The following POTEC variants were observed in gnomAD, a reference collection of about 807,000 sequenced individuals.
The protein encoded by POTEC is ANKRD26-like family B member 2.
Under a neutral mutation model 62.0 loss-of-function variants are expected in POTEC, and 35 were observed. That is an observed-to-expected ratio of 0.56 (90% CI 0.43 to 0.75). The LOEUF is 0.75. POTEC is among the 30% of genes least tolerant of loss of function. POTEC has a pLI of 0.00. For synonymous variants in POTEC, 156 were observed against 221.5 expected (o/e 0.70, Z 2.62); for missense variants, 472 against 655.9 (o/e 0.72, Z 3.06).
intron 1 of POTEC, among the ~76,000 whole-genome samples, chr18:14,541,093 G>A (rs928280039): frequency 2.0e-5 from 3 of 152,172 alleles, no homozygotes; most frequent in South Asian, 2.1e-4. Flanking sequence ...GTTTCACCAC[G>A]CTGGCCAAGC....
At chr18:14,519,390 C>T (rs983330091) in intron 9 of POTEC, among the ~76,000 whole-genome samples, 3 of 152,096 alleles carry the variant, frequency 2.0e-5, no homozygotes, top group Non-Finnish European at 4.4e-5. Flanking sequence ...TGGAGACATA[C>T]ATTTGGAAAT....
intron 6 of POTEC, among the ~76,000 whole-genome samples, chr18:14,526,737 G>A (rs530198527): frequency 7.2e-5 from 11 of 152,272 alleles, no homozygotes; most frequent in Non-Finnish European, 1.2e-4. Context: ...AAGGGCTAAC[G>A]ATGTAGAGTA....
At chr18:14,537,717 A>G (rs1905789722) in intron 3 of POTEC, 84 bp downstream of exon 3, 2 of 1,481,050 alleles carry the variant, frequency 1.4e-6, no homozygotes, top group Non-Finnish European at 1.8e-6. Context: ...TGAGCTTCCA[A>G]ATACGGAAAA....
Position 14,530,562 on chromosome 18 carries a change from A to T in POTEC, c.1056-9T>A, listed in dbSNP as rs757167635. ...AAAGTAATTCACAAATTCTATGTAT[A>T]AAAATGTAATAAACCAAATTACTAT... is the stretch of plus-strand genomic sequence containing the variant. On this transcript the variant is annotated splice_polypyrimidine_tract_variant and intron_variant, in intron 5 of 10. Transcript: ENST00000358970. 1 of 1,561,828 alleles carries T rather than the reference A, an allele frequency of 6.4e-7. No individual in the cohort carries two copies. Among genetic ancestry groups the T allele is most frequent in the Non-Finnish European group, 8.7e-7 (1 of 1,150,938 alleles).
intron 1 of POTEC, among the ~76,000 whole-genome samples, chr18:14,539,387 T>C (rs1179124272): frequency 6.7e-6 from 1 of 149,098 alleles, no homozygotes; most frequent in African/African-American, 2.5e-5. Flanking sequence ...GTGTTAAGCC[T>C]AGTACCCGTT....
At chr18:14,528,971 T>G (rs1467595852) in intron 6 of POTEC, 13 of 454,324 alleles carry the variant, frequency 2.9e-5, no homozygotes, top group East Asian at 2.8e-4. Context: ...GGCAACCTCA[T>G]TAGATGTTCT....
chr18:14,527,241 CT>C (rs1211582694), intron 6 of POTEC, among the ~76,000 whole-genome samples: 2 of 152,126 alleles, frequency 1.3e-5, no homozygotes, highest in African/African-American at 2.4e-5. Context: ...AAAAAACACT[CT>C]TTCTCTTACT....
chr18:14,537,210 C>CACACACACACAAAAAAA (rs1209635756), intron 3 of POTEC, among the ~76,000 whole-genome samples: 3 of 65,514 alleles, frequency 4.6e-5, no homozygotes, highest in African/African-American at 8.9e-5. Flanking sequence ...CACACACACA[C>CACACACACACAAAAAAA]AAAAAAAAAA....
intron 1 of POTEC, among the ~76,000 whole-genome samples, chr18:14,539,114 C>T (rs1365060857): frequency 1.3e-5 from 2 of 151,928 alleles, no homozygotes; most frequent in Admixed American, 6.6e-5. Context: ...CCAAAGAAAA[C>T]TTGAAATTCA....
intron 3 of POTEC, among the ~76,000 whole-genome samples, chr18:14,537,201 ACACACACAC>A (rs1363031807): frequency 4.6e-4 from 42 of 91,392 alleles, no homozygotes; most frequent in African/African-American, 1.9e-3. Flanking sequence ...ACACACACAC[ACACACACAC>A]AAAAAAAAAA....
chr18:14,542,745 G>A lies in POTEC; in HGVS notation c.402C>T (p.His134=), dbSNP rs748910521. Residue 134 remains histidine (H), a synonymous_variant, in exon 1 of 11, where the codon CAC becomes CAT. Transcript: ENST00000358970. ...GCTTGTCCAGATCTTCTCGACGGAC[G>A]TGGTACCTCGGCTCCATGAAGGCGC... is the stretch of plus-strand genomic sequence containing the variant. ...DDSAFMEPRY[H]VRREDLDKLH... is the part of the protein sequence containing the mutation. The A allele has an allele frequency of 4.3e-6, 7 of 1,613,460 alleles. No homozygotes were observed. The South Asian group carries it at 5.5e-5, about 13-fold the overall frequency.
At chr18:14,539,014 A>G (rs1032159614) in intron 1 of POTEC, among the ~76,000 whole-genome samples, 19 of 152,174 alleles carry the variant, frequency 1.2e-4, no homozygotes, top group Non-Finnish European at 1.5e-5. Context: ...TTAGTTCTTA[A>G]AAGAACTATG....
intron 9 of POTEC, among the ~76,000 whole-genome samples, chr18:14,515,411 T>C (rs1168632838): frequency 6.6e-6 from 1 of 151,676 alleles, no homozygotes; most frequent in East Asian, 1.9e-4. Flanking sequence ...AACCAAATGA[T>C]CTCTGAGAAA....
intron 6 of POTEC, 80 bp downstream of exon 6, chr18:14,530,403 T>C: frequency 6.3e-7 from 1 of 1,591,456 alleles, no homozygotes; most frequent in South Asian, 1.1e-5. Flanking sequence ...ATGGAAACAC[T>C]GTCTTCCACA....
chr18:14,515,822 C>T (rs1910134850), intron 9 of POTEC, among the ~76,000 whole-genome samples: 1 of 151,356 alleles, frequency 6.6e-6, no homozygotes, highest in Non-Finnish European at 1.5e-5. Context: ...TCAAACAAAT[C>T]AGCAGGAAAA....
chr18:14,530,378 A>C (rs1598480244), intron 6 of POTEC, 105 bp downstream of exon 6: 2 of 1,551,514 alleles, frequency 1.3e-6, no homozygotes, highest in Non-Finnish European at 1.8e-6. Flanking sequence ...AACCATCCCC[A>C]CCTTCCCCCA....
At chr18:14,541,160 A>G (rs1472485858) in intron 1 of POTEC, among the ~76,000 whole-genome samples, 1 of 152,090 alleles carries the variant, frequency 6.6e-6, no homozygotes, top group Admixed American at 6.5e-5. Context: ...AAGTGCTGGG[A>G]TTACAGGCAT....
rs1906034481 is a variant in POTEC, at chr18:14,543,426, A to G, written c.-280T>C. On this transcript the variant is annotated 5_prime_UTR_variant, in exon 1 of 11. Coordinates refer to ENST00000358970, the MANE Select transcript of POTEC (RefSeq NM_001137671.2). ...GGAAACACCCAGCCCAGTCAAGGGA[A>G]TGCCAAACCCAGCAGAGAAAAAGTC... The G allele has an allele frequency of 1.7e-6, 1 of 585,824 alleles. No individual in the cohort carries two copies. Among genetic ancestry groups the G allele is most frequent in the Admixed American group, 3.2e-5 (1 of 31,622 alleles). 36.3% of individuals were successfully genotyped at this position (585,824 alleles called of 1,614,324 possible).
chr18:14,532,370 TG>T (rs1355608631), intron 5 of POTEC, among the ~76,000 whole-genome samples: 1 of 151,984 alleles, frequency 6.6e-6, no homozygotes, highest in Non-Finnish European at 1.5e-5. Flanking sequence ...GCTGGTGCTT[TG>T]GGAACAATGG....
Sources: allele counts gnomAD v4.1 joint callset (sites outside exome capture counted in the v4.1 genomes callset), GRCh38; gene constraint gnomAD v4.1.1; transcripts MANE v1.5; gene names NCBI Gene and HGNC (gene_info 2026-07-23, HGNC 2026-07-21).